The following TUT1 variants were observed in gnomAD, a reference collection of about 807,000 sequenced individuals.
TUT1 encodes the protein terminal uridylyl transferase 1, U6 snRNA-specific.
TUT1 carries 26 observed loss-of-function variants against 48.8 expected under a neutral mutation model. That is an observed-to-expected ratio of 0.53 (90% CI 0.39 to 0.74). TUT1 has a LOEUF of 0.74. Among genes scored for constraint, TUT1 ranks in the 30% least tolerant of loss-of-function variants. The pLI is 0.00. For synonymous variants in TUT1, 470 were observed against 460.8 expected (o/e 1.02, Z -0.26); for missense variants, 1,065 against 1,114.8 (o/e 0.96, Z 0.64).
At chr11:62,581,740 CAA>C in intron 2 of TUT1, 39 bp from the exon 3 acceptor site, 1 of 1,343,784 alleles carries the variant, frequency 7.4e-7, no homozygotes. Context: ...ATTTTGGAAC[CAA>C]GAATCTAAGC....
intron 4 of TUT1, 40 bp downstream of exon 4, chr11:62,581,066 A>G (rs1590719267): frequency 2.6e-6 from 4 of 1,547,778 alleles, no homozygotes; most frequent in African/African-American, 1.4e-5. Context: ...GGCCATTCTC[A>G]TGGACTTTTC....
chr11:62,585,594 G>T (rs796720754), intron 2 of TUT1, among the ~76,000 whole-genome samples: 46 of 152,342 alleles, frequency 3.0e-4, no homozygotes, highest in African/African-American at 1.0e-3. Flanking sequence ...CACCCTGGGA[G>T]GCTGAGGCGG....
intron 1 of TUT1, among the ~76,000 whole-genome samples, chr11:62,590,893 C>G (rs1336563792): frequency 1.3e-5 from 2 of 152,014 alleles, no homozygotes; most frequent in African/African-American, 4.8e-5. Flanking sequence ...TTTCCAAACC[C>G]ATCTTCTGTC....
chr11:62,588,451 G>A (rs1036914521), intron 2 of TUT1, among the ~76,000 whole-genome samples: 4 of 152,186 alleles, frequency 2.6e-5, no homozygotes. Context: ...TTGCTTGGGT[G>A]GCTAAGGTGT....
intron 1 of TUT1, among the ~76,000 whole-genome samples, chr11:62,589,646 A>G (rs754789315): frequency 2.6e-5 from 4 of 152,224 alleles, no homozygotes; most frequent in Non-Finnish European, 4.4e-5. Flanking sequence ...ATTTTTACTT[A>G]AAGAACAGTG....
In TUT1 at chr11:62,576,065, C is replaced by T. The variant is rs150786326; in HGVS notation, c.1654G>A (p.Ala552Thr). 49 of 1,613,850 alleles carry T rather than the reference C, an allele frequency of 3.0e-5. No homozygotes were observed. The East Asian group carries it at 4.7e-4, about 15-fold the overall frequency. Reference protein sequence around the residue: ...QDPFDLSHNVAANVTSRVAGR... With the variant: ...QDPFDLSHNVTANVTSRVAGR... ...GCCACCCGGCTGGTCACATTGGCTG[C>T]GACATTGTGACTCAGGTCAAAAGGG... Residue 552 changes from alanine to threonine, a missense_variant, in exon 9 of 9, where the codon GCA becomes ACA. Transcript: ENST00000476907.
chr11:62,589,106 A>G lies in TUT1; in HGVS notation c.198T>C (p.Asp66=). Residue 66 remains aspartate (D), a synonymous_variant, in exon 2 of 9, where the codon GAT becomes GAC. Coordinates refer to ENST00000476907, the MANE Select transcript of TUT1 (RefSeq NM_022830.3). ...ACTCAGAGAGCTGAGCAGAATCCAC[A>G]TCCCTGGGAAAGCCACTGACAAACA... The part of the protein sequence containing the change: ...RSVFVSGFPR[D]VDSAQLSEYF... 1 of 1,614,220 alleles carries G rather than the reference A, an allele frequency of 6.2e-7. No homozygotes were observed. Among genetic ancestry groups the G allele is most frequent in the Non-Finnish European group, 8.5e-7 (1 of 1,180,050 alleles).
chr11:62,584,262 G>T (rs1941874407), intron 2 of TUT1, among the ~76,000 whole-genome samples: 1 of 151,516 alleles, frequency 6.6e-6, no homozygotes, highest in Non-Finnish European at 1.5e-5. Context: ...CTAGTAGCTG[G>T]AATCAAAGAC....
At chr11:62,587,774 T>C (rs560069765) in intron 2 of TUT1, among the ~76,000 whole-genome samples, 5 of 152,238 alleles carry the variant, frequency 3.3e-5, no homozygotes, top group African/African-American at 4.8e-5. Context: ...ACCTAAGCCA[T>C]GCCTACATAA....
rs776510746 is a variant in TUT1 at position 62,576,986 on chromosome 11, C to T, written c.1302G>A (p.Leu434=). The T allele has an allele frequency of 6.8e-6, 11 of 1,614,072 alleles. No individual in the cohort carries two copies. The highest frequency in any genetic ancestry group is 7.6e-6 in the Non-Finnish European group (9 of 1,180,016). Residue 434 remains leucine (L), a synonymous_variant, in exon 7 of 9, where the codon CTG becomes CTA. Transcript: ENST00000476907. ...GSGPLLSNYA[L]TLLVIYFLQT... is the part of the protein sequence containing the mutation. The stretch of plus-strand genomic sequence containing the variant: ...GAAGAAAATAGATCACCAGCAAGGT[C>T]AGGGCGTAGTTACTGAGAAGGGGGC...
Position 62,576,726 on chromosome 11 carries a change from C to T in TUT1, c.1405G>A (p.Asp469Asn), listed in dbSNP as rs768206461. 22 of 1,614,048 alleles carry T rather than the reference C, an allele frequency of 1.4e-5. No individual in the cohort carries two copies. Among genetic ancestry groups the T allele is most frequent in the East Asian group, 6.7e-5 (3 of 44,902 alleles). The change falls in exon 8 of 9, where the codon GAT (aspartate) becomes AAT (asparagine). Residue 469 changes from aspartate (D) to asparagine (N), a missense_variant. Asp to Asn is a conservative substitution (Grantham distance 23, BLOSUM62 1). Coordinates refer to ENST00000476907, the MANE Select transcript of TUT1 (RefSeq NM_022830.3). The stretch of plus-strand genomic sequence containing the variant: ...CTGGGGAAACTGCAGTCCCAGCCAT[C>T]GACTTCCACCTGTTCCCCCTCTCCT... The part of the protein sequence containing the change: ...KAGEGEQVEV[D>N]GWDCSFPRDA...
At chr11:62,583,463 G>A (rs969290771) in intron 2 of TUT1, among the ~76,000 whole-genome samples, 1 of 152,066 alleles carries the variant, frequency 6.6e-6, no homozygotes, top group African/African-American at 2.4e-5. Flanking sequence ...TACAAAATTA[G>A]CCAGATATGG....
intron 1 of TUT1, 85 bp from the exon 2 acceptor site, chr11:62,589,306 A>G: frequency 4.5e-6 from 6 of 1,327,138 alleles, no homozygotes; most frequent in Non-Finnish European, 6.2e-6. Context: ...AATCTTACTG[A>G]TCCTTCCAAG....
At chr11:62,584,929 C>T (rs1030014697) in intron 2 of TUT1, among the ~76,000 whole-genome samples, 8 of 151,936 alleles carry the variant, frequency 5.3e-5, no homozygotes, top group African/African-American at 1.9e-4. Flanking sequence ...TCAAGCAATT[C>T]TCCTGCCTCA....
Position 62,575,847 on chromosome 11 carries a change from C to A in TUT1, c.1872G>T (p.Val624=). The change falls in exon 9 of 9, where the codon GTG becomes GTT. Residue 624 remains valine, a synonymous_variant. Transcript: ENST00000476907. ...ACCCCAGTGCTTCCCTGAATACCTG[C>A]ACCAGGGCAGCAGTGAGCTGGGTGA... ...APFTQLTAAL[V]QVFREALGCH... is the part of the protein sequence containing the mutation. 1 of 1,614,208 alleles carries A rather than the reference C, an allele frequency of 6.2e-7. No individual in the cohort carries two copies. The highest frequency in any genetic ancestry group is 8.5e-7 in the Non-Finnish European group (1 of 1,180,040).
At chr11:62,578,111 TACAA>T (rs1302887830) in intron 5 of TUT1, among the ~76,000 whole-genome samples, 1 of 149,496 alleles carries the variant, frequency 6.7e-6, no homozygotes, top group African/African-American at 2.5e-5. Flanking sequence ...GAACACACTT[TACAA>T]ACACTGAAAT....
Position 62,576,701 on chromosome 11 carries a change from C to G in TUT1, c.1430G>C (p.Arg477Thr), listed in dbSNP as rs1590715887. Reference protein sequence around the residue: ...EVDGWDCSFPRDASRLEPSIN... With the variant: ...EVDGWDCSFPTDASRLEPSIN... Reference sequence around the variant, plus strand: ...GCTGGGCTCCAGTCTTGAGGCATCCCTGGGGAAACTGCAGTCCCAGCCATC... The same window carrying G: ...GCTGGGCTCCAGTCTTGAGGCATCCGTGGGGAAACTGCAGTCCCAGCCATC... Residue 477 changes from arginine to threonine, a missense_variant, in exon 8 of 9, where the codon AGG becomes ACG. Transcript: ENST00000476907. 6.2e-7 allele frequency: 1 copy of G among 1,614,184 alleles called. No homozygotes were observed.
chr11:62,575,215 G>A lies in TUT1; in HGVS notation c.2504C>T (p.Ser835Phe). ...GAGCATTCGGTCAGCCGGGGAGACA[G>A]ACGCCACAAAGCTCAGCAGGGGCTC... ...ETEPLLSFVA[S>F]VSPADRMLTV... The change falls in exon 9 of 9, where the codon TCT becomes TTT. Residue 835 changes from serine to phenylalanine, a missense_variant. Transcript: ENST00000476907. 3 of 1,613,354 alleles carry A rather than the reference G, an allele frequency of 1.9e-6. No homozygotes were observed. Among genetic ancestry groups the A allele is most frequent in the Non-Finnish European group, 2.5e-6 (3 of 1,179,292 alleles).
At position 62,578,836 on chromosome 11, in the gene TUT1, G is replaced by A. The variant is rs371702362; in HGVS notation, c.885C>T (p.Ala295=). The A allele has an allele frequency of 3.1e-6, 5 of 1,614,012 alleles. No individual in the cohort carries two copies. Among genetic ancestry groups the A allele is most frequent in the Non-Finnish European group, 4.2e-6 (5 of 1,179,936 alleles). The change falls in exon 5 of 9, where the codon GCC becomes GCT. Residue 295 remains alanine (A), a synonymous_variant. Coordinates refer to ENST00000476907, the MANE Select transcript of TUT1 (RefSeq NM_022830.3). ...LAPQTPDSAL[A]SETLASPQSL... ...ACTGGGGAGAAGCAAGGGTCTCGGA[G>A]GCCAAGGCAGAGTCCGGAGTTTGGG...
Sources: allele counts gnomAD v4.1 joint callset (sites outside exome capture counted in the v4.1 genomes callset), GRCh38; gene constraint gnomAD v4.1.1; transcripts MANE v1.5; gene names NCBI Gene and HGNC (gene_info 2026-07-23, HGNC 2026-07-21).